The following HPCAL1 variants were observed in gnomAD, a reference collection of about 807,000 sequenced individuals.
HPCAL1 encodes the protein hippocalcin-like protein 1.
In HPCAL1, 8 loss-of-function variants were observed where a neutral mutation model predicts 17.1. The ratio of observed to expected loss-of-function variants is 0.47; its 90% CI spans 0.27 to 0.84. The LOEUF (loss-of-function observed/expected upper bound fraction) is 0.84, where lower values mean the gene tolerates loss of function less well. Ranked by LOEUF, HPCAL1 falls within the 40% of genes least tolerant of loss-of-function variation. The pLI is 0.13. For synonymous variants in HPCAL1, 112 were observed against 111.4 expected (o/e 1.01, Z -0.03); for missense variants, 165 against 271.1 (o/e 0.61, Z 2.75).
chr2:10,307,979 G>T (rs928068195), intron 1 of HPCAL1, among the ~76,000 whole-genome samples: 9 of 152,230 alleles, frequency 5.9e-5, no homozygotes, highest in Admixed American at 2.6e-4. Context: ...GTCTGAGAAG[G>T]TTGGGCCCAG....
rs1216554913 is a variant in HPCAL1, at chr2:10,304,954, C to A, written c.-111+1777C>A. 6.6e-6 allele frequency among the ~76,000 whole-genome samples: 1 copy of A among 152,138 alleles called. No individual in the cohort carries two copies. The highest frequency in any genetic ancestry group is 2.4e-5 in the African/African-American group (1 of 41,430). Reference sequence around the variant, plus strand: ...CTACGTGATGGTGTTCCCAGAGAGGCGGGCTGCTTTGCGGGCTTTTAGGAG... The same window carrying A: ...CTACGTGATGGTGTTCCCAGAGAGGAGGGCTGCTTTGCGGGCTTTTAGGAG... On this transcript the variant is annotated intron_variant, in intron 1 of 4. Coordinates refer to ENST00000307845, the MANE Select transcript of HPCAL1 (RefSeq NM_002149.4). This position sits in a 1 kb window ranked among gnomAD's most constrained non-coding sequence, Gnocchi z 4.1.
intron 1 of HPCAL1, among the ~76,000 whole-genome samples, chr2:10,375,079 A>G (rs183265918): frequency 6.0e-4 from 92 of 152,276 alleles, no homozygotes; most frequent in African/African-American, 1.7e-3. Context: ...TAGGGAAGAA[A>G]TACTAGAAAG....
At chr2:10,329,803 G>A (rs1468843452) in intron 1 of HPCAL1, among the ~76,000 whole-genome samples, 1 of 152,254 alleles carries the variant, frequency 6.6e-6, no homozygotes, top group Non-Finnish European at 1.5e-5. Flanking sequence ...CTGCAGGAAT[G>A]CAAAGTTCAT....
chr2:10,355,169 G>A (rs1351629101), intron 1 of HPCAL1, among the ~76,000 whole-genome samples: 1 of 152,156 alleles, frequency 6.6e-6, no homozygotes, highest in African/African-American at 2.4e-5. Flanking sequence ...GAGTTTAACG[G>A]GGCCGGGCGC....
intron 3 of HPCAL1, 73 bp downstream of exon 3, chr2:10,420,208 GC>G: frequency 2.2e-5 from 16 of 734,122 alleles, no homozygotes; most frequent in Non-Finnish European, 2.8e-5. Flanking sequence ...CCAGCCCAGG[GC>G]TTTTTTTTTT....
At chr2:10,315,986 A>G (rs900126846) in intron 1 of HPCAL1, among the ~76,000 whole-genome samples, 2 of 152,216 alleles carry the variant, frequency 1.3e-5, no homozygotes, top group Non-Finnish European at 2.9e-5. Context: ...CAGCCTGGGC[A>G]ACAGAGTGAG....
intron 1 of HPCAL1, among the ~76,000 whole-genome samples, chr2:10,358,353 G>A (rs116430522): frequency 0.023 from 3,495 of 152,278 alleles, 46 homozygotes; most frequent in Non-Finnish European, 0.032. Flanking sequence ...CAGCTGATAC[G>A]GAAGTGGGGC....
At chr2:10,335,972 C>CTT (rs1664688961) in intron 1 of HPCAL1, among the ~76,000 whole-genome samples, 1 of 152,086 alleles carries the variant, frequency 6.6e-6, no homozygotes, top group Non-Finnish European at 1.5e-5. Flanking sequence ...ATTGCATGTT[C>CTT]ATATCCTCTG....
intron 2 of HPCAL1, among the ~76,000 whole-genome samples, chr2:10,414,987 C>G (rs1246548406): frequency 6.6e-6 from 1 of 152,190 alleles, no homozygotes; most frequent in Non-Finnish European, 1.5e-5. Context: ...GGAGTGTGGA[C>G]AATAGAAAGC....
chr2:10,304,083 T>C lies in HPCAL1; in HGVS notation c.-111+906T>C, dbSNP rs1014901625. 6.6e-6 allele frequency: 1 copy of C among 152,192 alleles called. No individual in the cohort carries two copies. The highest frequency in any genetic ancestry group is 1.5e-5 in the Non-Finnish European group (1 of 68,032). The allele number at this position is 152,192 out of a possible 1,614,324, so 9.4% of individuals were successfully genotyped here. On this transcript the variant is annotated intron_variant, in intron 1 of 4. Coordinates refer to ENST00000307845, the MANE Select transcript of HPCAL1 (RefSeq NM_002149.4). The surrounding 1 kb of genome is among the most constrained non-coding windows in gnomAD (Gnocchi z 4.1). The stretch of plus-strand genomic sequence containing the variant: ...CTAACTTAACCGCGAAGCACTGAGA[T>C]TCGAGAAAGTTTAGCTGCCAGCTGC...
chr2:10,376,844 TTGTATTGTGTGTAGTA>T (rs1295215367), intron 1 of HPCAL1, among the ~76,000 whole-genome samples: 2,610 of 137,076 alleles, frequency 0.019, 114 homozygotes, highest in South Asian at 0.074. Flanking sequence ...ACATACCGTA[TTGTATTGTGTGTAGTA>T]CAATACATAG....
chr2:10,404,183 T>TGACACCTACACACTTTGAA (rs1669825549), intron 2 of HPCAL1, among the ~76,000 whole-genome samples: 2 of 152,120 alleles, frequency 1.3e-5, no homozygotes, highest in African/African-American at 4.8e-5. Context: ...TGCGAGTCAT[T>TGACACCTACACACTTTGAA]GACACCTACA....
At chr2:10,413,930 A>C (rs1472204379) in intron 2 of HPCAL1, among the ~76,000 whole-genome samples, 1 of 152,252 alleles carries the variant, frequency 6.6e-6, no homozygotes, top group Non-Finnish European at 1.5e-5. Context: ...GGTGCAAATC[A>C]GGCAGAAAGG....
At chr2:10,380,637 A>G (rs1667881810) in intron 1 of HPCAL1, among the ~76,000 whole-genome samples, 2 of 152,038 alleles carry the variant, frequency 1.3e-5, no homozygotes, top group South Asian at 4.1e-4. Flanking sequence ...TGCTCCCTAC[A>G]ACCCACCCCT....
In HPCAL1 at chr2:10,343,003, C is replaced by T. The variant is rs1176090548; in HGVS notation, c.-111+39826C>T. On this transcript the variant is annotated intron_variant, in intron 1 of 4. Coordinates refer to ENST00000307845, the MANE Select transcript of HPCAL1 (RefSeq NM_002149.4). This position sits in a 1 kb window ranked among gnomAD's most constrained non-coding sequence, Gnocchi z 4.8. ...TGTCTTCTGTGTGGGATATCAGTGC[C>T]CTGCCAGCTGTTGCAAGTTTTAAAC... is the stretch of plus-strand genomic sequence containing the variant. Among the ~76,000 whole-genome samples the T allele has an allele frequency of 1.3e-5, 2 of 152,130 alleles. No homozygotes were observed. The highest frequency in any genetic ancestry group is 4.8e-5 in the African/African-American group (2 of 41,418).
intron 2 of HPCAL1, among the ~76,000 whole-genome samples, chr2:10,399,622 T>G (rs1669462682): frequency 7.1e-6 from 1 of 140,228 alleles, no homozygotes; most frequent in Non-Finnish European, 1.6e-5. Context: ...TGAGGGACTC[T>G]GGGATCAGAA....
chr2:10,424,617 G>C (rs758314860), intron 4 of HPCAL1: 4 of 470,894 alleles, frequency 8.5e-6, no homozygotes, highest in Admixed American at 2.3e-5. Flanking sequence ...CTTCTAGGTT[G>C]GTTGGGAATT....
intron 1 of HPCAL1, among the ~76,000 whole-genome samples, chr2:10,369,607 A>C (rs577430721): frequency 2.0e-4 from 30 of 152,350 alleles, no homozygotes; most frequent in African/African-American, 7.2e-4. Context: ...CAAGGGCTCC[A>C]GGCAGAGGGA....
intron 2 of HPCAL1, among the ~76,000 whole-genome samples, chr2:10,402,703 A>T (rs1669698903): frequency 6.6e-6 from 1 of 152,140 alleles, no homozygotes; most frequent in Admixed American, 6.5e-5. Context: ...AATGCATGTG[A>T]TGATTCACTG....
Sources: gnomAD v4.1 joint callset for allele counts (sites outside exome capture counted in the v4.1 genomes callset) on GRCh38, gnomAD v4.1.1 for gene constraint, Gnocchi (gnomAD v3.1) non-coding constraint, MANE v1.5 for transcripts, NCBI Gene and HGNC (gene_info 2026-07-23, HGNC 2026-07-21) for gene names.